Variants in UBE4B observed in about 807,000 individuals in gnomAD.
UBE4B encodes the protein ubiquitin conjugation factor E4 B.
Under a neutral mutation model 148.1 loss-of-function variants are expected in UBE4B, and 27 were observed. That is an observed-to-expected ratio of 0.18 (90% CI 0.13 to 0.25). The LOEUF (loss-of-function observed/expected upper bound fraction) is 0.25, where lower values mean the gene tolerates loss of function less well. Ranked by LOEUF, UBE4B falls within the 10% of genes least tolerant of loss-of-function variation. UBE4B has a pLI of 1.00. For synonymous variants in UBE4B, 596 were observed against 619.3 expected, an observed-to-expected ratio of 0.96 and a Z score of 0.56; for missense variants, 1,170 against 1,662.4, an observed-to-expected ratio of 0.70 and a Z score of 5.15.
intron 17 of UBE4B, among the ~76,000 whole-genome samples, chr1:10,139,629 AGTTTGAAAAT>A (rs1172088543): frequency 2.0e-5 from 3 of 152,168 alleles, no homozygotes; most frequent in Non-Finnish European, 4.4e-5. Context: ...GTTTTTCTAA[AGTTTGAAAAT>A]GTTTTGGCAT....
At position 10,147,078 on chromosome 1, in the gene UBE4B, C is replaced by T; in HGVS notation, c.2579C>T (p.Pro860Leu). Residue 860 changes from proline to leucine, a missense_variant, in exon 19 of 28, where the codon CCC (proline) becomes CTC (leucine). By Grantham distance (98) the Pro-to-Leu change is moderately conservative. Transcript: ENST00000343090. ...LIQLLLRILDPAYPDITLPLN... is the reference protein window; with the variant it reads ...LIQLLLRILDLAYPDITLPLN... Reference sequence around the variant, plus strand: ...CAGCTGCTGCTCCGCATCCTGGACCCCGCATATCCCGAGTGAGTGTGCTTC... The same window carrying T: ...CAGCTGCTGCTCCGCATCCTGGACCTCGCATATCCCGAGTGAGTGTGCTTC... 6.2e-7 allele frequency: 1 copy of T among 1,614,196 alleles called. No individual in the cohort carries two copies. The highest frequency in any genetic ancestry group is 8.5e-7 in the Non-Finnish European group (1 of 1,180,036).
At chr1:10,084,695 C>CT (rs1485230641) in intron 2 of UBE4B, among the ~76,000 whole-genome samples, 3 of 150,190 alleles carry the variant, frequency 2.0e-5, no homozygotes, top group South Asian at 2.1e-4. Context: ...TCTTTCTTTT[C>CT]TTTTTTTTCT....
At chr1:10,081,165 C>T (rs566446132) in intron 2 of UBE4B, among the ~76,000 whole-genome samples, 1 of 152,232 alleles carries the variant, frequency 6.6e-6, no homozygotes, top group Non-Finnish European at 1.5e-5. Flanking sequence ...TGGGTTCAAA[C>T]GATTCTCCTG....
Position 10,181,130 on chromosome 1 carries a change from A to C in UBE4B, c.*1174A>C, listed in dbSNP as rs1405080309. On this transcript the variant is annotated 3_prime_UTR_variant, in exon 28 of 28. Coordinates refer to ENST00000343090, the MANE Select transcript of UBE4B (RefSeq NM_001105562.3). ...AAAGTGTTCTGAAGAAATTAAGTCT[A>C]TAAAAAGCATACTTTCTTTTTTCTT... 11 of 152,292 alleles carry C rather than the reference A, an allele frequency of 7.2e-5. No homozygotes were observed. Among genetic ancestry groups the C allele is most frequent in the Admixed American group, 4.6e-4 (7 of 15,232 alleles). 9.4% of individuals were successfully genotyped at this position (152,292 alleles called of 1,614,324 possible).
At chr1:10,040,808 C>T (rs150281653) in intron 1 of UBE4B, among the ~76,000 whole-genome samples, 7 of 151,924 alleles carry the variant, frequency 4.6e-5, no homozygotes, top group Middle Eastern at 3.4e-3. Context: ...TTATTAGAGA[C>T]GGGATTTCTC....
intron 5 of UBE4B, among the ~76,000 whole-genome samples, chr1:10,103,868 C>T (rs977996405): frequency 1.3e-5 from 2 of 150,386 alleles, no homozygotes; most frequent in African/African-American, 2.4e-5. Flanking sequence ...TCTCGTGATC[C>T]GCCCGCCTTG....
intron 14 of UBE4B, among the ~76,000 whole-genome samples, chr1:10,131,350 G>T (rs1645590247): frequency 6.6e-6 from 1 of 152,030 alleles, no homozygotes; most frequent in South Asian, 2.1e-4. Context: ...GGCAGCGCGT[G>T]CCTGTAATCC....
chr1:10,143,434 C>A (rs1645816132), intron 17 of UBE4B, among the ~76,000 whole-genome samples: 1 of 152,066 alleles, frequency 6.6e-6, no homozygotes, highest in African/African-American at 2.4e-5. Flanking sequence ...CTCCTTCTCT[C>A]TCTGACCTTT....
Position 10,151,389 on chromosome 1 carries a change from G to A in UBE4B, c.2754G>A (p.Met918Ile). 2 of 1,614,142 alleles carry A rather than the reference G, an allele frequency of 1.2e-6. No homozygotes were observed. Among genetic ancestry groups the A allele is most frequent in the Non-Finnish European group, 1.7e-6 (2 of 1,180,032 alleles). ...TQDIVMFLVV[M>I]LCNQNYIRNP... is the part of the protein sequence containing the mutation. ...ATATTGTGATGTTCCTTGTTGTGAT[G>A]TTGTGCAACCAGAACTACATCCGAA... Residue 918 changes from methionine to isoleucine, a missense_variant, in exon 21 of 28, where the codon ATG becomes ATA. By Grantham distance (10) the Met-to-Ile change is conservative (BLOSUM62 1). Around this residue, in one of 6 missense-constraint regions of UBE4B, gnomAD observed 348 missense variants for 627.2 expected, o/e 0.55. Coordinates refer to ENST00000343090, the MANE Select transcript of UBE4B (RefSeq NM_001105562.3).
intron 2 of UBE4B, among the ~76,000 whole-genome samples, chr1:10,075,992 T>C (rs1200824683): frequency 6.6e-6 from 1 of 152,116 alleles, no homozygotes; most frequent in African/African-American, 2.4e-5. Context: ...TGCCGTGAGC[T>C]GTGATCACAC....
Position 10,072,186 on chromosome 1 carries a change from C to T in UBE4B, c.183C>T (p.Thr61=). ...QSLGLNVHNM[T]PATSPIGASG... is the part of the protein sequence containing the mutation. The stretch of plus-strand genomic sequence containing the variant: ...TTGGTCTCAATGTCCACAACATGAC[C>T]CCAGCTACCTCCCCAATAGGTGCAT... Residue 61 remains threonine, a synonymous_variant, in exon 2 of 28, where the codon ACC becomes ACT. Coordinates refer to ENST00000343090, the MANE Select transcript of UBE4B (RefSeq NM_001105562.3). 6.2e-7 allele frequency: 1 copy of T among 1,613,636 alleles called. No homozygotes were observed. Among genetic ancestry groups the T allele is most frequent in the Non-Finnish European group, 8.5e-7 (1 of 1,179,932 alleles).
chr1:10,051,033 G>A (rs1416481422), intron 1 of UBE4B, among the ~76,000 whole-genome samples: 1 of 152,052 alleles, frequency 6.6e-6, no homozygotes, highest in African/African-American at 2.4e-5. Context: ...TTTGAGACAG[G>A]ACTTGCTCTA....
chr1:10,154,559 C>T (rs771022422), intron 21 of UBE4B, among the ~76,000 whole-genome samples: 16 of 151,848 alleles, frequency 1.1e-4, no homozygotes, highest in African/African-American at 9.7e-5. Context: ...AACAACTGGC[C>T]GGGCTCAGTG....
intron 25 of UBE4B, among the ~76,000 whole-genome samples, chr1:10,177,135 A>G (rs996229824): frequency 6.6e-6 from 1 of 152,092 alleles, no homozygotes; most frequent in Non-Finnish European, 1.5e-5. Flanking sequence ...CAGATGATAC[A>G]TGTATCATTG....
intron 18 of UBE4B, among the ~76,000 whole-genome samples, chr1:10,146,191 C>G (rs372394816): frequency 1.1e-3 from 165 of 152,298 alleles, no homozygotes; most frequent in African/African-American, 3.8e-3. Flanking sequence ...GTGGCTCACA[C>G]CAGTAATCCC....
intron 5 of UBE4B, among the ~76,000 whole-genome samples, chr1:10,104,580 T>G (rs761487878): frequency 6.6e-6 from 1 of 152,216 alleles, no homozygotes; most frequent in African/African-American, 2.4e-5. Flanking sequence ...AAAAGTCCTT[T>G]GTATTTCTGG....
In UBE4B at chr1:10,144,748, AAG is replaced by A. The variant is rs1491078642; in HGVS notation, c.2364-190_2364-189del. On this transcript the variant is annotated intron_variant, in intron 17 of 27. Coordinates refer to ENST00000343090, the MANE Select transcript of UBE4B (RefSeq NM_001105562.3). Reference sequence around the variant, plus strand: ...GACTCTGTCTTAAAAAAAAAAAAAAAAGAAAGAAAGAAAGAAAAATGCTGCCA... The same window carrying A: ...GACTCTGTCTTAAAAAAAAAAAAAAAAAAGAAAGAAAGAAAAATGCTGCCA... Among the ~76,000 whole-genome samples, 5 of 139,786 alleles carry A rather than the reference AAG, an allele frequency of 3.6e-5. No individual in the cohort carries two copies. The East Asian group carries it at 5.8e-4, about 16-fold the overall frequency. The allele number at this position is 139,786 out of a possible 152,430, so 91.7% of individuals were successfully genotyped here. A position where few individuals can be genotyped will look rare whatever the true frequency, so the allele number is the denominator to read the frequency against.
Position 10,168,374 on chromosome 1 carries a change from C to T in UBE4B, c.3333+104C>T, listed in dbSNP as rs1646287237. On this transcript the variant is annotated intron_variant, in intron 24 of 27. Coordinates refer to ENST00000343090, the MANE Select transcript of UBE4B (RefSeq NM_001105562.3). This position sits in a 1 kb window ranked among gnomAD's most constrained non-coding sequence, Gnocchi z 4.9. ...TGAAGTTCTGGAAATTTTAGGATCA[C>T]AGTCATCAATAAGTGAAATTCTGTG... 1 of 1,469,056 alleles carries T rather than the reference C, an allele frequency of 6.8e-7. No individual in the cohort carries two copies. Among genetic ancestry groups the T allele is most frequent in the East Asian group, 2.5e-5 (1 of 40,338 alleles). The allele number at this position is 1,469,056 out of a possible 1,614,324, so 91.0% of individuals were successfully genotyped here. A position where few individuals can be genotyped will look rare whatever the true frequency, so the allele number is the denominator to read the frequency against.
intron 10 of UBE4B, 130 bp downstream of exon 10, chr1:10,122,206 A>G: frequency 3.6e-6 from 2 of 559,032 alleles, no homozygotes; most frequent in Non-Finnish European, 3.2e-6. Flanking sequence ...GGCCTACCCA[A>G]TATTCTTTTG....
Sources: allele counts gnomAD v4.1 joint callset (sites outside exome capture counted in the v4.1 genomes callset), GRCh38; gene constraint gnomAD v4.1.1; regional missense constraint gnomAD v4.1.1; non-coding constraint Gnocchi (gnomAD v3.1); transcripts MANE v1.5; gene names NCBI Gene and HGNC (gene_info 2026-07-23, HGNC 2026-07-21).